The following ATP10B variants were observed in gnomAD, a reference collection of about 807,000 sequenced individuals.
ATP10B encodes the protein ATPase phospholipid transporting 10B (putative), also known as phospholipid-transporting ATPase VB.
Under a neutral mutation model 141.2 loss-of-function variants are expected in ATP10B, and 122 were observed. That is an observed-to-expected ratio of 0.86 (90% CI 0.75 to 1.00). ATP10B has a LOEUF of 1.00. Among genes scored for constraint, ATP10B ranks in the 50% least tolerant of loss-of-function variants. The pLI is 0.00. For missense variants in ATP10B, 1,876 were observed against 1,825.3 expected, an observed-to-expected ratio of 1.03 and a Z score of -0.51; for synonymous variants, 685 against 692.0, an observed-to-expected ratio of 0.99 and a Z score of 0.16.
chr5:160,924,574 G>T, the ATP10B span, among the ~76,000 whole-genome samples: 17 of 152,184 alleles, frequency 1.1e-4, no homozygotes, highest in Admixed American at 8.5e-4. Flanking sequence ...ATGGTGCAGT[G>T]ATCGTGTGCT....
the ATP10B span, among the ~76,000 whole-genome samples, chr5:160,889,579 A>C: frequency 6.6e-6 from 1 of 152,204 alleles, no homozygotes; most frequent in South Asian, 2.1e-4. Context: ...TTGAGCACCT[A>C]GTGCACGCTG....
chr5:160,699,739 A>T (rs1415434548), intron 3 of ATP10B, among the ~76,000 whole-genome samples: 6 of 152,166 alleles, frequency 3.9e-5, no homozygotes, highest in Admixed American at 1.3e-4. Context: ...GACAAGAATT[A>T]AGGAGAAAAG....
intron 4 of ATP10B, 70 bp downstream of exon 4, chr5:160,688,690 G>T: frequency 1.2e-6 from 1 of 841,560 alleles, no homozygotes; most frequent in Middle Eastern, 6.1e-4. Flanking sequence ...CAAAGGAAAA[G>T]GTACCTATTC....
At chr5:160,780,191 G>A (rs966721215) in intron 2 of ATP10B, among the ~76,000 whole-genome samples, 1 of 152,124 alleles carries the variant, frequency 6.6e-6, no homozygotes, top group African/African-American at 2.4e-5. Context: ...AGAGGAGGGT[G>A]AGAGAGACTG....
chr5:160,728,079 A>G (rs1009353465), intron 2 of ATP10B, among the ~76,000 whole-genome samples: 2 of 141,146 alleles, frequency 1.4e-5, no homozygotes, highest in African/African-American at 5.3e-5. Context: ...AGAGAAGTCT[A>G]TGTAATTGAT....
chr5:160,816,400 A>G (rs1234089515), intron 1 of ATP10B, among the ~76,000 whole-genome samples: 1 of 152,194 alleles, frequency 6.6e-6, no homozygotes, highest in African/African-American at 2.4e-5. Flanking sequence ...TAGAAAATCT[A>G]GAAGAAATGG....
At chr5:160,911,267 G>T in the ATP10B span, among the ~76,000 whole-genome samples, 15 of 152,274 alleles carry the variant, frequency 9.9e-5, no homozygotes, top group African/African-American at 3.1e-4. Context: ...TCTGCTATAC[G>T]TTGGACATTC....
At chr5:160,719,293 G>A (rs1765851403) in intron 2 of ATP10B, among the ~76,000 whole-genome samples, 1 of 152,140 alleles carries the variant, frequency 6.6e-6, no homozygotes, top group Non-Finnish European at 1.5e-5. Context: ...CCAGCTACTC[G>A]GGAGGCTGAG....
At chr5:160,812,020 C>CAGAGAGAG (rs34793101) in intron 1 of ATP10B, among the ~76,000 whole-genome samples, 52 of 111,514 alleles carry the variant, frequency 4.7e-4, no homozygotes, top group African/African-American at 1.2e-3. Context: ...GAGACAGAGA[C>CAGAGAGAG]AGAGAGAGAG....
At chr5:160,751,181 T>G (rs568390271) in intron 2 of ATP10B, among the ~76,000 whole-genome samples, 117 of 152,308 alleles carry the variant, frequency 7.7e-4, no homozygotes, top group African/African-American at 2.7e-3. Context: ...TCAATACATA[T>G]TTATTGCTTT....
At chr5:160,813,028 C>T (rs985857698) in intron 1 of ATP10B, among the ~76,000 whole-genome samples, 8 of 152,196 alleles carry the variant, frequency 5.3e-5, no homozygotes, top group Non-Finnish European at 1.2e-4. Flanking sequence ...CAAATAGGAA[C>T]AGCTCCAGTC....
chr5:160,813,881 G>A (rs963950703), intron 1 of ATP10B, among the ~76,000 whole-genome samples: 1 of 152,198 alleles, frequency 6.6e-6, no homozygotes, highest in Non-Finnish European at 1.5e-5. Flanking sequence ...AGGGTCTGGA[G>A]TGGACCTCCA....
the ATP10B span, among the ~76,000 whole-genome samples, chr5:160,894,256 G>T: frequency 6.6e-6 from 1 of 151,976 alleles, no homozygotes; most frequent in Non-Finnish European, 1.5e-5. Context: ...AAACTCCTCC[G>T]AGCTAAAGCA....
chr5:160,603,830 T>C, intron 20 of ATP10B, 135 bp downstream of exon 20: 2 of 671,520 alleles, frequency 3.0e-6, no homozygotes, highest in Non-Finnish European at 5.3e-6. Context: ...CTTATGTCTG[T>C]CATTGCTTAT....
intron 2 of ATP10B, among the ~76,000 whole-genome samples, chr5:160,746,372 A>C (rs1767804020): frequency 1.3e-5 from 2 of 150,010 alleles, no homozygotes; most frequent in South Asian, 4.2e-4. Flanking sequence ...CAAGTGGCTG[A>C]GGTCTCTTAA....
intron 6 of ATP10B, chr5:160,684,901 C>A: frequency 1.4e-6 from 1 of 703,310 alleles, no homozygotes; most frequent in South Asian, 1.5e-5. Context: ...GAGGTCTTCC[C>A]AAGCGTCCTT....
chr5:160,743,935 G>T (rs545247521), intron 2 of ATP10B, among the ~76,000 whole-genome samples: 9 of 151,868 alleles, frequency 5.9e-5, no homozygotes, highest in African/African-American at 2.2e-4. Context: ...TAATACCCAG[G>T]GCAAGCTCCC....
intron 2 of ATP10B, among the ~76,000 whole-genome samples, chr5:160,770,269 C>T (rs1718601348): frequency 6.6e-6 from 1 of 151,880 alleles, no homozygotes; most frequent in Non-Finnish European, 1.5e-5. Flanking sequence ...TGGCTAGTTG[C>T]CCTTCCTCTG....
At chr5:160,744,930 G>T (rs1767703305) in intron 2 of ATP10B, among the ~76,000 whole-genome samples, 1 of 152,228 alleles carries the variant, frequency 6.6e-6, no homozygotes, top group African/African-American at 2.4e-5. Flanking sequence ...CCAGGGTGAG[G>T]AGCTGAGCAG....
Sources: gnomAD v4.1 joint callset for allele counts (sites outside exome capture counted in the v4.1 genomes callset) on GRCh38, gnomAD v4.1.1 for gene constraint, MANE v1.5 for transcripts, NCBI Gene and HGNC (gene_info 2026-07-23, HGNC 2026-07-21) for gene names.